The following TEX11 variants were observed in gnomAD, a reference collection of about 807,000 sequenced individuals.
TEX11 encodes testis expressed 11, also known as testis-expressed protein 11.
A neutral mutation model predicts 84.4 loss-of-function variants in TEX11; 7 were observed. That is an observed-to-expected ratio of 0.08 (90% CI 0.05 to 0.16). The LOEUF (loss-of-function observed/expected upper bound fraction) is 0.16, where lower values mean the gene tolerates loss of function less well. Ranked by LOEUF, TEX11 falls within the 10% of genes least tolerant of loss-of-function variation. The pLI is 1.00. For synonymous variants in TEX11, 264 were observed against 222.8 expected, an observed-to-expected ratio of 1.18 and a Z score of -1.64; for missense variants, 551 against 660.5, an observed-to-expected ratio of 0.83 and a Z score of 1.82.
chrX:70,710,609 C>G (rs2090420431), intron 13 of TEX11, among the ~76,000 whole-genome samples: 1 of 107,705 alleles, frequency 9.3e-6, no homozygotes, highest in Admixed American at 1.0e-4. Flanking sequence ...GAGCCACAGA[C>G]CAACAGCATT....
At chrX:70,587,832 G>A (rs2088874737) in intron 25 of TEX11, among the ~76,000 whole-genome samples, 1 of 112,496 alleles carries the variant, frequency 8.9e-6, no homozygotes, top group African/African-American at 3.2e-5. Flanking sequence ...AACCAAGAGG[G>A]AGGCTGTACC....
intron 13 of TEX11, among the ~76,000 whole-genome samples, chrX:70,701,905 C>A (rs762520785): frequency 1.8e-5 from 2 of 111,004 alleles, no homozygotes; most frequent in Admixed American, 9.6e-5. Flanking sequence ...AGAACTGGGG[C>A]CTGAAGATAT....
At chrX:70,744,266 A>G (rs1056711656) in intron 9 of TEX11, 47 bp from the exon 10 acceptor site, 1 of 537,060 alleles carries the variant, frequency 1.9e-6, no homozygotes, top group African/African-American at 2.5e-5. Context: ...ATAAACATAT[A>G]TCCATTTCAA....
At chrX:70,714,422 A>G (rs2090475168) in intron 13 of TEX11, among the ~76,000 whole-genome samples, 1 of 111,236 alleles carries the variant, frequency 9.0e-6, no homozygotes, top group Non-Finnish European at 1.9e-5. Flanking sequence ...ATTGTGTGGG[A>G]GTCTAAGTCT....
intron 28 of TEX11, among the ~76,000 whole-genome samples, chrX:70,546,602 T>A (rs2088128542): frequency 9.0e-6 from 1 of 110,922 alleles, no homozygotes; most frequent in Non-Finnish European, 1.9e-5. Flanking sequence ...CCAAACACAA[T>A]ACACGAACAG....
chrX:70,713,064 A>T (rs1357384684), intron 13 of TEX11, among the ~76,000 whole-genome samples: 7 of 111,534 alleles, frequency 6.3e-5, no homozygotes, highest in Non-Finnish European at 1.1e-4. Flanking sequence ...GGTTTTTGTC[A>T]TTGGTTCTGT....
At chrX:70,858,204 C>T (rs1420651157) in intron 5 of TEX11, among the ~76,000 whole-genome samples, 4 of 109,665 alleles carry the variant, frequency 3.6e-5, no homozygotes, top group African/African-American at 1.3e-4. Flanking sequence ...AATCCCAGCA[C>T]TTTGGGAGGC....
chrX:70,760,995 A>T (rs936929861), intron 9 of TEX11, among the ~76,000 whole-genome samples: 10 of 112,553 alleles, frequency 8.9e-5, no homozygotes, highest in Admixed American at 4.7e-4. Context: ...TGCAGCGAAC[A>T]GACATATGAA....
chrX:70,806,876 C>A, intron 8 of TEX11, 86 bp from the exon 9 acceptor site: 3 of 593,244 alleles, frequency 5.1e-6, no homozygotes, highest in Non-Finnish European at 8.0e-6. Flanking sequence ...TGAGCCATGA[C>A]GGTGCCACAT....
chrX:70,835,010 ACT>A (rs1164796375), intron 7 of TEX11, among the ~76,000 whole-genome samples: 2 of 110,638 alleles, frequency 1.8e-5, no homozygotes, highest in African/African-American at 6.6e-5. Context: ...CTGAGTAGAT[ACT>A]CTCTTATAAG....
rs148909029 is a variant in TEX11 at position 70,779,602 on chromosome X, A to G, written c.692+27103T>C. ...GAGGCCAAAAAAATACAATAGATCA[A>G]CGAAACTAAAAGTTGGTTTTCTAAA... is the stretch of plus-strand genomic sequence containing the variant. On this transcript the variant is annotated intron_variant, in intron 9 of 29. Transcript: ENST00000374333. 2.1e-4 allele frequency among the ~76,000 whole-genome samples: 23 copies of G among 110,878 alleles called. No homozygotes were observed. In the East Asian group the frequency reaches 6.0e-3, roughly 29 times the overall value.
At chrX:70,599,337 G>T (rs1232252547) in intron 24 of TEX11, among the ~76,000 whole-genome samples, 1 of 111,761 alleles carries the variant, frequency 8.9e-6, no homozygotes, top group Admixed American at 9.4e-5. Flanking sequence ...ATTACAATTA[G>T]AATATGTTTT....
intron 4 of TEX11, among the ~76,000 whole-genome samples, chrX:70,872,723 T>A (rs2091635782): frequency 8.9e-6 from 1 of 112,143 alleles, no homozygotes; most frequent in Non-Finnish European, 1.9e-5. Flanking sequence ...CAGGTAGAAA[T>A]CATTTCTATA....
intron 4 of TEX11, among the ~76,000 whole-genome samples, chrX:70,871,076 C>T (rs1051260351): frequency 3.6e-5 from 4 of 112,069 alleles, no homozygotes; most frequent in African/African-American, 1.3e-4. Context: ...CCATGCCCGA[C>T]TAATTTTTGT....
intron 19 of TEX11, among the ~76,000 whole-genome samples, chrX:70,624,247 C>G (rs1233954358): frequency 2.7e-5 from 3 of 111,678 alleles, no homozygotes; most frequent in Non-Finnish European, 5.7e-5. Context: ...AAAACAAAAG[C>G]GTTGCTTATA....
chrX:70,551,436 C>A (rs1442356073), intron 28 of TEX11, among the ~76,000 whole-genome samples: 1 of 110,814 alleles, frequency 9.0e-6, no homozygotes, highest in African/African-American at 3.3e-5. Context: ...GTGATGGATA[C>A]CCCATTTATC....
At chrX:70,740,375 C>A (rs182849271) in intron 11 of TEX11, among the ~76,000 whole-genome samples, 8 of 110,871 alleles carry the variant, frequency 7.2e-5, no homozygotes, top group African/African-American at 2.6e-4. Context: ...TTTATAAGGG[C>A]AGTAATACCA....
At chrX:70,700,584 C>T (rs182355771) in intron 13 of TEX11, among the ~76,000 whole-genome samples, 177 of 111,224 alleles carry the variant, frequency 1.6e-3, no homozygotes, top group African/African-American at 5.5e-3. Context: ...TTCCCTGAGA[C>T]ACAGCAATAC....
rs186350417 is a variant in TEX11 at position 70,734,707 on chromosome X, G to A, written c.843+5994C>T. 3.2e-3 allele frequency among the ~76,000 whole-genome samples: 361 copies of A among 112,024 alleles called. 1 individual carries two copies. Among genetic ancestry groups the A allele is most frequent in the African/African-American group, 0.011 (340 of 30,861 alleles). On this transcript the variant is annotated intron_variant, in intron 11 of 29. Transcript: ENST00000374333. ...CCTCTCCTTGTATACAAATGCTAGC[G>A]CTTCACTACCTAGGAGTGAAGTTGC...
Sources: gnomAD v4.1 joint callset for allele counts (sites outside exome capture counted in the v4.1 genomes callset) on GRCh38, gnomAD v4.1.1 for gene constraint, MANE v1.5 for transcripts, NCBI Gene and HGNC (gene_info 2026-07-23, HGNC 2026-07-21) for gene names.